EFR3A: variants seen among roughly 807,000 people sequenced by gnomAD.
The protein encoded by EFR3A is EFR3 homolog A.
A neutral mutation model predicts 104.4 loss-of-function variants in EFR3A; 76 were observed. The ratio of observed to expected loss-of-function variants is 0.73; its 90% CI spans 0.60 to 0.88. The LOEUF is 0.88. Among genes scored for constraint, EFR3A ranks in the 40% least tolerant of loss-of-function variants. The probability of loss-of-function intolerance (pLI) is 0.00; values close to 1 mark genes in which losing one functional copy is unlikely to be tolerated. For synonymous variants in EFR3A, 330 were observed against 330.0 expected (o/e 1.00, Z 0.00); for missense variants, 985 against 1,012.5 (o/e 0.97, Z 0.37).
chr8:131,948,305 G>A lies in EFR3A; in HGVS notation c.367-1664G>A, dbSNP rs1405318455. The stretch of plus-strand genomic sequence containing the variant: ...AAGTTATTTATTCTCTCCTTGCCTC[G>A]GTTTTTCATCTGTGAAATGAGGAGA... On this transcript the variant is annotated intron_variant, in intron 4 of 22. Transcript: ENST00000254624. 5.9e-5 allele frequency among the ~76,000 whole-genome samples: 9 copies of A among 151,958 alleles called. No individual in the cohort carries two copies. In the East Asian group the frequency reaches 1.2e-3, roughly 20 times the overall value.
chr8:131,952,089 C>T (rs1818731445), intron 5 of EFR3A, among the ~76,000 whole-genome samples: 1 of 152,024 alleles, frequency 6.6e-6, no homozygotes, highest in Non-Finnish European at 1.5e-5. Flanking sequence ...GCATCACAAT[C>T]TTTAACTCTA....
At chr8:131,987,839 G>C (rs987169381) in intron 18 of EFR3A, 137 bp downstream of exon 18, 7 of 885,680 alleles carry the variant, frequency 7.9e-6, no homozygotes, top group African/African-American at 3.5e-5. Context: ...ATGCTTAAGA[G>C]TATTTACTTC....
chr8:131,913,891 G>A (rs180820510), intron 1 of EFR3A, among the ~76,000 whole-genome samples: 112 of 152,270 alleles, frequency 7.4e-4, no homozygotes, highest in African/African-American at 2.5e-3. Flanking sequence ...TAAAGGAATG[G>A]CCCATTTATG....
At chr8:131,923,405 A>G (rs1036165717) in intron 1 of EFR3A, among the ~76,000 whole-genome samples, 1 of 151,982 alleles carries the variant, frequency 6.6e-6, no homozygotes, top group Non-Finnish European at 1.5e-5. Flanking sequence ...TTTGTGACAT[A>G]TAATAAAATG....
chr8:131,953,262 ATG>A (rs1818797083), intron 5 of EFR3A, among the ~76,000 whole-genome samples: 1 of 152,092 alleles, frequency 6.6e-6, no homozygotes, highest in South Asian at 2.1e-4. Context: ...GATAATGTAT[ATG>A]TGTTTATAGA....
In EFR3A at chr8:131,944,727, T is replaced by C; in HGVS notation, c.88-18T>C. ...CATGAAAATATAGATAATCTATTTATCTTGTTATTGTTTTTAGGATGGCCT... is the reference window on the plus strand; with the variant it reads ...CATGAAAATATAGATAATCTATTTACCTTGTTATTGTTTTTAGGATGGCCT... On this transcript the variant is annotated intron_variant, in intron 2 of 22. Transcript: ENST00000254624. 1.3e-6 allele frequency: 2 copies of C among 1,553,008 alleles called. No homozygotes were observed. Among genetic ancestry groups the C allele is most frequent in the Non-Finnish European group, 1.7e-6 (2 of 1,151,104 alleles).
chr8:131,997,607 T>G (rs1183000289), intron 19 of EFR3A, among the ~76,000 whole-genome samples: 1 of 152,074 alleles, frequency 6.6e-6, no homozygotes, highest in East Asian at 1.9e-4. Flanking sequence ...ATAACAACTT[T>G]TCCCAAATTC....
In EFR3A at chr8:131,933,022, G is replaced by A. The variant is rs75759629; in HGVS notation, c.11-7477G>A. ...TAAATTTCAATGTGATAGTACCATG[G>A]TTTGCATTAAAGAAGAAAGTCACTG... On this transcript the variant is annotated intron_variant, in intron 1 of 22. Transcript: ENST00000254624. 3.3e-5 allele frequency among the ~76,000 whole-genome samples: 5 copies of A among 152,018 alleles called. No individual in the cohort carries two copies. In the East Asian group the frequency reaches 9.7e-4, roughly 29 times the overall value.
At chr8:131,946,678 A>ACAT in intron 4 of EFR3A, 45 bp downstream of exon 4, 1 of 1,445,858 alleles carries the variant, frequency 6.9e-7, no homozygotes, top group Non-Finnish European at 9.1e-7. Context: ...TAATTAGCAT[A>ACAT]TCTAGAATTA....
Position 131,904,110 on chromosome 8 carries a change from G to T in EFR3A, c.-203G>T. ...CGTGGGTCGTCCGTCGCGCCGCCCG[G>T]CGAGGAGTGGGCTGGCGGCGGTAGC... is the stretch of plus-strand genomic sequence containing the variant. On this transcript the variant is annotated 5_prime_UTR_variant, in exon 1 of 23. Transcript: ENST00000254624. 1 of 505,056 alleles carries T rather than the reference G, an allele frequency of 2.0e-6. No homozygotes were observed. Among genetic ancestry groups the T allele is most frequent in the Non-Finnish European group, 3.0e-6 (1 of 330,478 alleles). 31.3% of individuals were successfully genotyped at this position (505,056 alleles called of 1,614,324 possible).
chr8:131,917,552 T>C (rs558239622), intron 1 of EFR3A, among the ~76,000 whole-genome samples: 2 of 152,364 alleles, frequency 1.3e-5, no homozygotes, highest in South Asian at 4.1e-4. Context: ...TGGCAGTTGT[T>C]TCAACCATTC....
intron 9 of EFR3A, 136 bp from the exon 10 acceptor site, chr8:131,970,340 G>T: frequency 1.2e-6 from 1 of 820,900 alleles, no homozygotes; most frequent in Non-Finnish European, 1.9e-6. Flanking sequence ...TTAAAAAAAT[G>T]AAATAGTTTA....
Position 131,978,950 on chromosome 8 carries a change from A to G in EFR3A, c.1430A>G (p.Gln477Arg). 6.2e-7 allele frequency: 1 copy of G among 1,613,322 alleles called. No individual in the cohort carries two copies. Among genetic ancestry groups the G allele is most frequent in the Non-Finnish European group, 8.5e-7 (1 of 1,179,422 alleles). ...PSLMEDYELR[Q>R]LVLEVMHNLM... Reference sequence around the variant, plus strand: ...CTCATGGAGGACTACGAACTGAGACAGTTGGTCTTGGAAGTAATGCATAAT... The same window carrying G: ...CTCATGGAGGACTACGAACTGAGACGGTTGGTCTTGGAAGTAATGCATAAT... The change falls in exon 13 of 23, where the codon CAG (glutamine) becomes CGG (arginine). Residue 477 changes from glutamine (Q) to arginine (R), a missense_variant. Physicochemically the swap from Gln to Arg is conservative, Grantham distance 43. Transcript: ENST00000254624.
intron 2 of EFR3A, among the ~76,000 whole-genome samples, chr8:131,943,887 G>C (rs189237372): frequency 1.6e-4 from 24 of 146,090 alleles, no homozygotes; most frequent in Non-Finnish European, 2.9e-4. Context: ...TTTGCTGTCT[G>C]AGAGAGGAGA....
At chr8:131,964,799 T>C (rs2130673270) in intron 8 of EFR3A, among the ~76,000 whole-genome samples, 1 of 152,270 alleles carries the variant, frequency 6.6e-6, no homozygotes, top group East Asian at 1.9e-4. Flanking sequence ...GTCATCACGC[T>C]ACCTGACTTC....
chr8:131,993,262 G>A (rs2130782258), intron 18 of EFR3A, among the ~76,000 whole-genome samples: 1 of 152,256 alleles, frequency 6.6e-6, no homozygotes, highest in Admixed American at 6.5e-5. Flanking sequence ...TTTATTTATT[G>A]CTCAGACTCG....
intron 8 of EFR3A, among the ~76,000 whole-genome samples, chr8:131,961,920 A>T (rs1819366459): frequency 1.3e-5 from 2 of 152,170 alleles, no homozygotes; most frequent in Non-Finnish European, 2.9e-5. Context: ...TTCTTAAAGA[A>T]AAGAATTTTC....
chr8:131,927,977 A>G (rs1817384243), intron 1 of EFR3A, among the ~76,000 whole-genome samples: 1 of 152,196 alleles, frequency 6.6e-6, no homozygotes, highest in Non-Finnish European at 1.5e-5. Context: ...GCAAGCATTG[A>G]TAGTAATTCT....
chr8:132,001,910 C>A, intron 20 of EFR3A, 103 bp downstream of exon 20: 2 of 984,898 alleles, frequency 2.0e-6, no homozygotes, highest in Non-Finnish European at 1.6e-6. Context: ...CAAAAATAAA[C>A]CAAAGAAACT....
Sources: allele counts gnomAD v4.1 joint callset (sites outside exome capture counted in the v4.1 genomes callset), GRCh38; gene constraint gnomAD v4.1.1; transcripts MANE v1.5; gene names NCBI Gene and HGNC (gene_info 2026-07-23, HGNC 2026-07-21).